CEP63: variants seen among roughly 807,000 people sequenced by gnomAD.
The protein encoded by CEP63 is centrosomal protein of 63 kDa.
In CEP63, 84 loss-of-function variants were observed where a neutral mutation model predicts 89.1. The observed-to-expected ratio is 0.94, with a 90% CI of 0.79 to 1.13. CEP63 has a LOEUF of 1.13. Ranked by LOEUF, CEP63 falls within the 50% of genes most tolerant of loss-of-function variation. The probability of loss-of-function intolerance (pLI) is 0.00; values close to 1 mark genes in which losing one functional copy is unlikely to be tolerated. For synonymous variants in CEP63, 267 were observed against 272.5 expected (o/e 0.98, Z 0.20); for missense variants, 838 against 813.3 (o/e 1.03, Z -0.37).
At chr3:134,615,694 A>T in the CEP63 span, among the ~76,000 whole-genome samples, 1 of 152,142 alleles carries the variant, frequency 6.6e-6, no homozygotes, top group Non-Finnish European at 1.5e-5. Flanking sequence ...TCCCTTTCAG[A>T]GGCCTTATAC....
At chr3:134,682,450 A>C in the CEP63 span, among the ~76,000 whole-genome samples, 1 of 152,226 alleles carries the variant, frequency 6.6e-6, no homozygotes, top group Admixed American at 6.5e-5. Flanking sequence ...AAAAGCTCTA[A>C]AAGAAGGAAT....
intron 2 of CEP63, among the ~76,000 whole-genome samples, chr3:134,504,661 G>A (rs531587724): frequency 4.0e-5 from 6 of 151,782 alleles, no homozygotes; most frequent in African/African-American, 1.2e-4. Context: ...CAAGAATTGG[G>A]AAGTTTTCAG....
intron 12 of CEP63, among the ~76,000 whole-genome samples, chr3:134,557,865 C>T (rs182240752): frequency 1.3e-5 from 2 of 152,186 alleles, no homozygotes; most frequent in Non-Finnish European, 2.9e-5. Flanking sequence ...TTTCTGATTC[C>T]CTCTTACAGC....
At chr3:134,588,989 C>T (rs1958543763), downstream of CEP63, among the ~76,000 whole-genome samples, 1 of 152,184 alleles carries the variant, frequency 6.6e-6, no homozygotes, top group Non-Finnish European at 1.5e-5. Flanking sequence ...AAAAACTCAT[C>T]ATACAAAATG....
chr3:134,762,429 C>G, the CEP63 span, among the ~76,000 whole-genome samples: 1 of 152,030 alleles, frequency 6.6e-6, no homozygotes, highest in Non-Finnish European at 1.5e-5. Context: ...TGAATTGTAC[C>G]CTCTAAAATT....
downstream of CEP63, among the ~76,000 whole-genome samples, chr3:134,569,044 T>C (rs1269897710): frequency 6.6e-6 from 1 of 152,184 alleles, no homozygotes; most frequent in African/African-American, 2.4e-5. Flanking sequence ...CATCAGATCT[T>C]GCGAGACTTA....
rs1380755689 is a variant in CEP63 at position 134,561,718 on chromosome 3, T to G, written c.*183T>G. 6.4e-6 allele frequency: 9 copies of G among 1,416,646 alleles called. No homozygotes were observed. In the Admixed American group the frequency reaches 2.7e-4, roughly 42 times the overall value. 87.8% of individuals were successfully genotyped at this position (1,416,646 alleles called of 1,614,324 possible). A position where few individuals can be genotyped will look rare whatever the true frequency, so the allele number is the denominator to read the frequency against. On this transcript the variant is annotated 3_prime_UTR_variant, in exon 15 of 15. Transcript: ENST00000675561. Reference sequence around the variant, plus strand: ...GGCATTTTCTCTGCACTGGTTTGTTTAAAGGACTTCTTCCAGCAATAAGTT... The same window carrying G: ...GGCATTTTCTCTGCACTGGTTTGTTGAAAGGACTTCTTCCAGCAATAAGTT...
the CEP63 span, among the ~76,000 whole-genome samples, chr3:134,628,677 A>C: frequency 5.7e-4 from 87 of 152,314 alleles, no homozygotes; most frequent in African/African-American, 2.1e-3. Context: ...CACACTTACT[A>C]TGCCTGGCTT....
intron 14 of CEP63, among the ~76,000 whole-genome samples, chr3:134,560,280 T>C (rs1207760118): frequency 6.6e-6 from 1 of 152,214 alleles, no homozygotes; most frequent in Non-Finnish European, 1.5e-5. Context: ...TCCCTCAGAC[T>C]CCACTGGGGT....
intron 2 of CEP63, among the ~76,000 whole-genome samples, chr3:134,499,395 GGT>G (rs1249643804): frequency 6.6e-6 from 1 of 151,822 alleles, no homozygotes; most frequent in Non-Finnish European, 1.5e-5. Flanking sequence ...TATTTATTTG[GGT>G]CTTCTCTTTT....
the CEP63 span, chr3:134,610,154 C>T: frequency 6.3e-7 from 1 of 1,581,312 alleles, no homozygotes; most frequent in East Asian, 2.2e-5. Context: ...TCCTCCACTT[C>T]CACCTGCCAG....
chr3:134,738,266 ACAC>A, the CEP63 span, among the ~76,000 whole-genome samples: 1 of 151,544 alleles, frequency 6.6e-6, no homozygotes, highest in African/African-American at 2.4e-5. Context: ...ACACACACAC[ACAC>A]ACACACACAC....
intron 6 of CEP63, among the ~76,000 whole-genome samples, chr3:134,537,918 AC>A (rs1435659737): frequency 1.3e-5 from 2 of 152,156 alleles, no homozygotes; most frequent in Non-Finnish European, 2.9e-5. Context: ...ATTGATAGAA[AC>A]TTTTCTTGTA....
At chr3:134,727,051 AC>A in the CEP63 span, among the ~76,000 whole-genome samples, 1 of 151,924 alleles carries the variant, frequency 6.6e-6, no homozygotes, top group African/African-American at 2.4e-5. Context: ...CATAGTCTTC[AC>A]ATTTGAGGCA....
At chr3:134,532,510 G>T (rs1447061019) in intron 4 of CEP63, among the ~76,000 whole-genome samples, 1 of 152,132 alleles carries the variant, frequency 6.6e-6, no homozygotes, top group African/African-American at 2.4e-5. Flanking sequence ...TTGTGGGGCT[G>T]GGTGGTAGGG....
downstream of CEP63, among the ~76,000 whole-genome samples, chr3:134,578,835 A>G (rs975926734): frequency 5.9e-5 from 9 of 152,216 alleles, no homozygotes; most frequent in African/African-American, 1.9e-4. Flanking sequence ...GTAGATTGCA[A>G]AAATTTTCTC....
the CEP63 span, among the ~76,000 whole-genome samples, chr3:134,665,698 C>CAG: frequency 4.5e-3 from 466 of 104,268 alleles, 3 homozygotes; most frequent in African/African-American, 0.016. Context: ...CACACACACA[C>CAG]ACACAGAGAG....
At chr3:134,511,380 C>G (rs1944892320) in intron 3 of CEP63, 1 of 154,976 alleles carries the variant, frequency 6.5e-6, no homozygotes, top group Non-Finnish European at 1.4e-5. Context: ...TTTGACTTCT[C>G]CATACTCGGA....
rs1194962600 is a variant in CEP63, at chr3:134,561,539, C to T, written c.*4C>T. Reference sequence around the variant, plus strand: ...ACAATTCACAGCCTTAAAGTAGCCTCTTAAAAAAATCACTATCTTGGAAAT... The same window carrying T: ...ACAATTCACAGCCTTAAAGTAGCCTTTTAAAAAAATCACTATCTTGGAAAT... On this transcript the variant is annotated 3_prime_UTR_variant, in exon 15 of 15. Coordinates refer to ENST00000675561, the MANE Select transcript of CEP63 (RefSeq NM_001353108.3). The T allele has an allele frequency of 1.9e-6, 3 of 1,611,508 alleles. No individual in the cohort carries two copies. The highest frequency in any genetic ancestry group is 3.3e-5 in the Admixed American group (2 of 59,728).
Sources: gnomAD v4.1 joint callset for allele counts (sites outside exome capture counted in the v4.1 genomes callset) on GRCh38, gnomAD v4.1.1 for gene constraint, MANE v1.5 for transcripts, NCBI Gene and HGNC (gene_info 2026-07-23, HGNC 2026-07-21) for gene names.